The following MYO18B variants were observed in gnomAD, a reference collection of about 807,000 sequenced individuals.
MYO18B encodes unconventional myosin-XVIIIb.
In MYO18B, 204 loss-of-function variants were observed where a neutral mutation model predicts 273.0. The ratio of observed to expected loss-of-function variants is 0.75; its 90% CI spans 0.67 to 0.84. The LOEUF is 0.84. MYO18B is among the 40% of genes least tolerant of loss of function. The pLI is 0.00. For missense variants in MYO18B, 3,212 were observed against 3,287.6 expected (o/e 0.98, Z 0.56); for synonymous variants, 1,330 against 1,305.7 (o/e 1.02, Z -0.40).
intron 42 of MYO18B, among the ~76,000 whole-genome samples, chr22:26,014,979 C>T (rs1027284187): frequency 6.6e-6 from 1 of 151,772 alleles, no homozygotes; most frequent in Non-Finnish European, 1.5e-5. Flanking sequence ...GCATAGTTTG[C>T]AAATATTTTC....
At chr22:25,983,970 A>C (rs145440664) in intron 39 of MYO18B, among the ~76,000 whole-genome samples, 14 of 152,356 alleles carry the variant, frequency 9.2e-5, no homozygotes, top group African/African-American at 3.4e-4. Context: ...CAACAAAACA[A>C]GTAATAGATT....
chr22:25,972,986 A>G (rs1365286835), intron 39 of MYO18B, among the ~76,000 whole-genome samples: 1 of 150,188 alleles, frequency 6.7e-6, no homozygotes, highest in Admixed American at 6.6e-5. Context: ...AAGAGATAGG[A>G]TCTCCTCCCA....
chr22:25,963,232 A>AGCC (rs1033458795), intron 39 of MYO18B, among the ~76,000 whole-genome samples: 1 of 147,584 alleles, frequency 6.8e-6, no homozygotes, highest in African/African-American at 2.5e-5. Flanking sequence ...TCAGGTTGGG[A>AGCC]GGAGGGTCTG....
intron 29 of MYO18B, chr22:25,901,173 C>T (rs550413341): frequency 6.6e-6 from 1 of 152,192 alleles, no homozygotes; most frequent in Non-Finnish European, 1.5e-5. Context: ...ATGATTGGGT[C>T]TCTCAGAAGT....
downstream of MYO18B, among the ~76,000 whole-genome samples, chr22:26,032,000 C>T (rs1331169010): frequency 2.6e-5 from 4 of 152,200 alleles, no homozygotes; most frequent in Non-Finnish European, 5.9e-5. Flanking sequence ...AGGCACCACC[C>T]AAAAGCTCGC....
At chr22:25,901,610 T>A (rs2146338382) in intron 29 of MYO18B, 1 of 152,234 alleles carries the variant, frequency 6.6e-6, no homozygotes, top group South Asian at 2.1e-4. Flanking sequence ...TTATTGATAA[T>A]CAGCATGCTT....
chr22:26,022,414 C>T (rs911601133), intron 42 of MYO18B, among the ~76,000 whole-genome samples: 8 of 152,132 alleles, frequency 5.3e-5, no homozygotes, highest in Admixed American at 1.3e-4. Flanking sequence ...GCCTACAAAA[C>T]GGCATCTGAA....
At chr22:25,960,486 G>A (rs556433690) in intron 39 of MYO18B, among the ~76,000 whole-genome samples, 4 of 152,090 alleles carry the variant, frequency 2.6e-5, no homozygotes, top group South Asian at 4.2e-4. Context: ...CTGATTCTCC[G>A]GTTTTGACTT....
At chr22:25,791,192 G>C (rs746469418) in intron 11 of MYO18B, among the ~76,000 whole-genome samples, 28 of 152,098 alleles carry the variant, frequency 1.8e-4, no homozygotes, top group Non-Finnish European at 3.7e-4. Context: ...GGTGTATGTA[G>C]GCTGAGGCCA....
rs375187646 is a variant in MYO18B, at chr22:25,906,263, A to T, written c.5149-2059A>T. Reference sequence around the variant, plus strand: ...ATAAATGGTATTGCAGATGTCAAGAATGTCCAAGAGGCTAGAAAAAATGAA... The same window carrying T: ...ATAAATGGTATTGCAGATGTCAAGATTGTCCAAGAGGCTAGAAAAAATGAA... On this transcript the variant is annotated intron_variant, in intron 31 of 43. Transcript: ENST00000335473. Among the ~76,000 whole-genome samples the T allele has an allele frequency of 8.8e-4, 133 of 151,914 alleles. 6 individuals carry two copies. The South Asian group carries it at 0.027, about 31-fold the overall frequency.
At chr22:25,917,984 C>T (rs2092288072) in intron 33 of MYO18B, among the ~76,000 whole-genome samples, 1 of 152,192 alleles carries the variant, frequency 6.6e-6, no homozygotes. Flanking sequence ...TAAAGTAAAG[C>T]AACTTGCCCA....
At chr22:25,919,051 A>C (rs1294066397) in intron 33 of MYO18B, among the ~76,000 whole-genome samples, 1 of 151,912 alleles carries the variant, frequency 6.6e-6, no homozygotes, top group Non-Finnish European at 1.5e-5. Context: ...CTGCCCCTCA[A>C]CTCGGGGTTT....
intron 42 of MYO18B, among the ~76,000 whole-genome samples, chr22:26,015,389 T>G (rs1033957034): frequency 6.6e-6 from 1 of 152,138 alleles, no homozygotes; most frequent in African/African-American, 2.4e-5. Flanking sequence ...AGCAAAGACA[T>G]GGAATCAACT....
intron 34 of MYO18B, among the ~76,000 whole-genome samples, chr22:25,944,871 T>A (rs1222455096): frequency 6.9e-6 from 1 of 144,480 alleles, no homozygotes; most frequent in Non-Finnish European, 1.5e-5. Flanking sequence ...AAAAGCTGAG[T>A]TAGAGTTCAG....
At chr22:25,890,951 A>G (rs796543371) in intron 26 of MYO18B, 76 bp downstream of exon 26, 8 of 1,537,716 alleles carry the variant, frequency 5.2e-6, no homozygotes, top group South Asian at 3.6e-5. Flanking sequence ...CGACCCTCTC[A>G]TTGGAGATCA....
At chr22:25,856,023 C>T (rs886371700) in intron 21 of MYO18B, among the ~76,000 whole-genome samples, 52 of 152,228 alleles carry the variant, frequency 3.4e-4, no homozygotes, top group African/African-American at 1.2e-3. Flanking sequence ...CCTGGTGAGA[C>T]CCTGCTTTCA....
At chr22:25,889,485 C>G (rs1313926389) in intron 25 of MYO18B, among the ~76,000 whole-genome samples, 1 of 152,028 alleles carries the variant, frequency 6.6e-6, no homozygotes, top group Admixed American at 6.5e-5. Flanking sequence ...GACCAAGGCT[C>G]CAGAGCAGGA....
chr22:25,948,466 CT>C lies in MYO18B; in HGVS notation c.5748+641del, dbSNP rs1192242958. On this transcript the variant is annotated intron_variant, in intron 36 of 43. Coordinates refer to ENST00000335473, the MANE Select transcript of MYO18B (RefSeq NM_032608.7). ...TCCTTCCTTCCTTCCTTCCTTCTTT[CT>C]TTCTTTCTTTCTTTCTTTCTCTTTC... is the stretch of plus-strand genomic sequence containing the variant. Among the ~76,000 whole-genome samples, 9 of 126,828 alleles carry C rather than the reference CT, an allele frequency of 7.1e-5. No individual in the cohort carries two copies. The East Asian group carries it at 1.5e-3, about 21-fold the overall frequency. The allele number at this position is 126,828 out of a possible 152,430, so 83.2% of individuals were successfully genotyped here.
intron 11 of MYO18B, among the ~76,000 whole-genome samples, chr22:25,787,883 C>T (rs930037280): frequency 2.6e-5 from 4 of 151,990 alleles, no homozygotes; most frequent in African/African-American, 7.3e-5. Flanking sequence ...TTTTCTCATT[C>T]ATTTAATGAG....
Sources: allele counts gnomAD v4.1 joint callset (sites outside exome capture counted in the v4.1 genomes callset), GRCh38; gene constraint gnomAD v4.1.1; transcripts MANE v1.5; gene names NCBI Gene and HGNC (gene_info 2026-07-23, HGNC 2026-07-21).